The following CBFA2T3 variants were observed in gnomAD, a reference collection of about 807,000 sequenced individuals.
CBFA2T3 encodes the protein transcriptional corepressor CBFA2T3.
A neutral mutation model predicts 58.6 loss-of-function variants in CBFA2T3; 31 were observed. That is an observed-to-expected ratio of 0.53 (90% CI 0.40 to 0.71). The LOEUF (loss-of-function observed/expected upper bound fraction) is 0.71, where lower values mean the gene tolerates loss of function less well. Among genes scored for constraint, CBFA2T3 ranks in the 30% least tolerant of loss-of-function variants. CBFA2T3 has a pLI of 0.00. For missense variants in CBFA2T3, 1,076 were observed against 963.1 expected, an observed-to-expected ratio of 1.12 and a Z score of -1.55; for synonymous variants, 531 against 421.9, an observed-to-expected ratio of 1.26 and a Z score of -3.17.
At chr16:88,916,191 T>C (rs1216445502) in intron 1 of CBFA2T3, among the ~76,000 whole-genome samples, 2 of 145,746 alleles carry the variant, frequency 1.4e-5, no homozygotes, top group African/African-American at 5.0e-5. Flanking sequence ...TGCGCATGGG[T>C]GTGTGTCCGT....
intron 1 of CBFA2T3, among the ~76,000 whole-genome samples, chr16:88,965,530 G>A (rs1972479450): frequency 6.6e-6 from 1 of 152,224 alleles, no homozygotes; most frequent in African/African-American, 2.4e-5. Flanking sequence ...ACAACCCAGG[G>A]GGCTAGGTCC....
Position 88,881,027 on chromosome 16 carries a change from C to A in CBFA2T3, c.1403-239G>T, listed in dbSNP as rs1597656463. On this transcript the variant is annotated intron_variant, in intron 9 of 11. Transcript: ENST00000268679. ...GGAGCCGTGTGTGTCCTGGGCCTCT[C>A]CTGTGTCAGCATTCGTCGCTGAGGC... 4 of 699,306 alleles carry A rather than the reference C, an allele frequency of 5.7e-6. No homozygotes were observed. The East Asian group carries it at 1.1e-4, about 19-fold the overall frequency. The allele number at this position is 699,306 out of a possible 1,614,324, so 43.3% of individuals were successfully genotyped here.
intron 9 of CBFA2T3, 82 bp downstream of exon 9, chr16:88,881,209 C>T (rs1258713232): frequency 2.7e-5 from 34 of 1,237,748 alleles, no homozygotes; most frequent in Non-Finnish European, 5.9e-6. Context: ...TGTTTCGTTG[C>T]ATTGCCTGCC....
chr16:88,952,039 G>A (rs543768557), intron 1 of CBFA2T3, among the ~76,000 whole-genome samples: 1 of 152,318 alleles, frequency 6.6e-6, no homozygotes, highest in East Asian at 1.9e-4. Flanking sequence ...GTGGGTTTGG[G>A]TCTCCCCGGC....
intron 1 of CBFA2T3, among the ~76,000 whole-genome samples, chr16:88,919,934 A>G (rs1970857761): frequency 6.6e-6 from 1 of 152,234 alleles, no homozygotes; most frequent in Non-Finnish European, 1.5e-5. Context: ...AAGCAGCATG[A>G]GAATTGATGA....
rs1240471744 is a variant in CBFA2T3, at chr16:88,891,872, T to A, written c.711+10A>T. On this transcript the variant is annotated intron_variant, in intron 5 of 11. Coordinates refer to ENST00000268679, the MANE Select transcript of CBFA2T3 (RefSeq NM_005187.6). ...GGCTCCCGCAGCACGGGGGACGGGT[T>A]TCGCATTACCTTCAGGAAGGGAATG... 1 of 1,601,686 alleles carries A rather than the reference T, an allele frequency of 6.2e-7. No individual in the cohort carries two copies. Among genetic ancestry groups the A allele is most frequent in the South Asian group, 1.1e-5 (1 of 90,710 alleles).
At chr16:88,899,092 G>A (rs754548532) in intron 2 of CBFA2T3, among the ~76,000 whole-genome samples, 16 of 123,632 alleles carry the variant, frequency 1.3e-4, no homozygotes, top group Non-Finnish European at 2.4e-4. Flanking sequence ...CAGCAGCACC[G>A]CAGCTTCAAC....
intron 1 of CBFA2T3, among the ~76,000 whole-genome samples, chr16:88,957,349 G>T (rs1160706856): frequency 1.3e-5 from 2 of 152,230 alleles, no homozygotes; most frequent in African/African-American, 4.8e-5. Flanking sequence ...TGCCTTTCAG[G>T]GCCAGTAGCA....
rs1968772318 is a variant in CBFA2T3 at position 88,874,888 on chromosome 16, C to T, written c.*2088G>A. 4.3e-6 allele frequency: 1 copy of T among 231,784 alleles called. No individual in the cohort carries two copies. Among genetic ancestry groups the T allele is most frequent in the Non-Finnish European group, 8.6e-6 (1 of 116,932 alleles). 14.4% of individuals were successfully genotyped at this position (231,784 alleles called of 1,614,324 possible). ...TTTCTGTTTTTTATTTGGCAAACAT[C>T]TCGTTTATTACCATCATGAATATCA... On this transcript the variant is annotated 3_prime_UTR_variant, in exon 12 of 12. Transcript: ENST00000268679.
rs763502893 is a variant in CBFA2T3 at position 88,892,014 on chromosome 16, T to C, written c.622-43A>G. On this transcript the variant is annotated intron_variant, in intron 4 of 11. Coordinates refer to ENST00000268679, the MANE Select transcript of CBFA2T3 (RefSeq NM_005187.6). ...CACCTCACATCAGCACCGCTCGGCATGTGAGCCAGCGCCGACCCACCCATG... is the reference window on the plus strand; with the variant it reads ...CACCTCACATCAGCACCGCTCGGCACGTGAGCCAGCGCCGACCCACCCATG... 2.8e-5 allele frequency: 43 copies of C among 1,539,352 alleles called. 1 individual carries two copies. The South Asian group carries it at 4.7e-4, about 17-fold the overall frequency.
At chr16:88,940,799 G>T (rs1971694599) in intron 1 of CBFA2T3, among the ~76,000 whole-genome samples, 1 of 152,126 alleles carries the variant, frequency 6.6e-6, no homozygotes, top group African/African-American at 2.4e-5. Context: ...CGTTCCCCTC[G>T]AAGTTTCGCC....
chr16:88,924,254 T>C (rs1420261209), intron 1 of CBFA2T3, among the ~76,000 whole-genome samples: 3 of 152,186 alleles, frequency 2.0e-5, no homozygotes, highest in Non-Finnish European at 4.4e-5. Context: ...CCTTCCTTGC[T>C]ATTCCCTGGG....
intron 1 of CBFA2T3, among the ~76,000 whole-genome samples, chr16:88,961,163 A>T (rs955972261): frequency 6.6e-6 from 1 of 152,072 alleles, no homozygotes; most frequent in Admixed American, 6.5e-5. Flanking sequence ...AGCTTTCTAA[A>T]CCTGCTGTAA....
At chr16:88,916,494 G>A (rs1970739582) in intron 1 of CBFA2T3, among the ~76,000 whole-genome samples, 1 of 152,126 alleles carries the variant, frequency 6.6e-6, no homozygotes, top group South Asian at 2.1e-4. Context: ...GTGTGTATTC[G>A]TGGGGTGGGT....
Position 88,891,980 on chromosome 16 carries a change from G to C in CBFA2T3, c.622-9C>G, listed in dbSNP as rs769019573. On this transcript the variant is annotated splice_polypyrimidine_tract_variant and intron_variant, in intron 4 of 11. Transcript: ENST00000268679. ...ATCGTCAATGTCGAGTTCTGCAGGG[G>C]AGAAAACCCACCTCACATCAGCACC... 1 of 1,609,338 alleles carries C rather than the reference G, an allele frequency of 6.2e-7. No individual in the cohort carries two copies. The highest frequency in any genetic ancestry group is 8.5e-7 in the Non-Finnish European group (1 of 1,176,604).
chr16:88,929,892 ACCAATAC>A (rs1459264089), intron 1 of CBFA2T3, among the ~76,000 whole-genome samples: 5 of 148,930 alleles, frequency 3.4e-5, no homozygotes, highest in Non-Finnish European at 7.4e-5. Context: ...CGCAAAAGTC[ACCAATAC>A]CCACAGCTGC....
intron 1 of CBFA2T3, chr16:88,941,252 C>CCA: frequency 1.2e-6 from 1 of 835,158 alleles, no homozygotes; most frequent in Non-Finnish European, 1.4e-6. Flanking sequence ...GAACAAAGCG[C>CCA]GCACCCCGCC....
intron 5 of CBFA2T3, 62 bp from the exon 6 acceptor site, chr16:88,886,204 G>A (rs1176150579): frequency 1.5e-5 from 19 of 1,256,802 alleles, no homozygotes; most frequent in South Asian, 3.4e-5. Context: ...GCTCAGGTCC[G>A]AGCAGAGGGG....
chr16:88,936,901 GA>G (rs1971520440), intron 1 of CBFA2T3: 3 of 152,280 alleles, frequency 2.0e-5, no homozygotes, highest in Admixed American at 2.0e-4. Context: ...CAGAAGTGGG[GA>G]CTGGGGAGCA....
Sources: allele counts gnomAD v4.1 joint callset (sites outside exome capture counted in the v4.1 genomes callset), GRCh38; gene constraint gnomAD v4.1.1; transcripts MANE v1.5; gene names NCBI Gene and HGNC (gene_info 2026-07-23, HGNC 2026-07-21).